Variants in PTBP2 observed in about 807,000 individuals in gnomAD.
PTBP2 encodes the protein polypyrimidine tract binding protein 2.
A neutral mutation model predicts 61.4 loss-of-function variants in PTBP2; 13 were observed. The observed-to-expected ratio is 0.21, with a 90% CI of 0.14 to 0.34. The LOEUF (loss-of-function observed/expected upper bound fraction) is 0.34. Ranked by LOEUF, PTBP2 falls within the 10% of genes least tolerant of loss-of-function variation. PTBP2 has a pLI of 1.00. For synonymous variants in PTBP2, 215 were observed against 218.5 expected, an observed-to-expected ratio of 0.98 and a Z score of 0.14; for missense variants, 405 against 642.6, an observed-to-expected ratio of 0.63 and a Z score of 4.00.
downstream of PTBP2, chr1:96,816,288 C>T (rs961537850): frequency 6.6e-6 from 1 of 152,088 alleles, no homozygotes; most frequent in African/African-American, 2.4e-5. Context: ...CAAATTAACC[C>T]AGGCCTTGGC....
chr1:96,794,506 A>G (rs181079911), intron 8 of PTBP2, among the ~76,000 whole-genome samples: 20 of 152,338 alleles, frequency 1.3e-4, no homozygotes, highest in African/African-American at 4.8e-4. Flanking sequence ...CTAAAAGGCT[A>G]CCCTCAATTA....
chr1:96,823,591 TACGTGCA>T (rs1662751849), exon 14 of PTBP2: 1 of 152,210 alleles, frequency 6.6e-6, no homozygotes, highest in Non-Finnish European at 1.5e-5. Context: ...AGTAGAATTA[TACGTGCA>T]ATATATTCTT....
intron 2 of PTBP2, among the ~76,000 whole-genome samples, chr1:96,729,895 C>A (rs1395997671): frequency 6.6e-6 from 1 of 152,076 alleles, no homozygotes; most frequent in African/African-American, 2.4e-5. Flanking sequence ...CACCACCACA[C>A]CTGGCTAATT....
chr1:96,774,264 T>A (rs1056225248), intron 5 of PTBP2, among the ~76,000 whole-genome samples: 1 of 152,164 alleles, frequency 6.6e-6, no homozygotes, highest in African/African-American at 2.4e-5. Context: ...TTTCTGTTCG[T>A]CTGTTTTTCA....
At chr1:96,762,368 C>T (rs1178061244) in intron 3 of PTBP2, among the ~76,000 whole-genome samples, 6 of 150,674 alleles carry the variant, frequency 4.0e-5, no homozygotes, top group South Asian at 2.1e-4. Flanking sequence ...CCTCACCTCC[C>T]GGATGGGGCG....
chr1:96,789,409 T>A (rs1053699471), intron 8 of PTBP2, among the ~76,000 whole-genome samples: 1 of 152,108 alleles, frequency 6.6e-6, no homozygotes, highest in African/African-American at 2.4e-5. Context: ...TACCCCAGGC[T>A]GAGAATAGTT....
rs1661549197 is a variant in PTBP2 at position 96,806,956 on chromosome 1, T to C, written c.1169T>C (p.Leu390Pro). The stretch of plus-strand genomic sequence containing the variant: ...ATGGCTGATGGAAACCAATCACAAC[T>C]TGGTAAGATTAAACTATGTTTTATC... The part of the protein sequence containing the change: ...IQMADGNQSQ[L>P]AMNHLNGQKM... The change falls in exon 11 of 14, where the codon CTT (leucine) becomes CCT (proline). Residue 390 changes from leucine (L) to proline (P), a missense_variant and splice_region_variant. By Grantham distance (98) the Leu-to-Pro change is moderately conservative. Transcript: ENST00000674951. 1 of 1,600,344 alleles carries C rather than the reference T, an allele frequency of 6.2e-7. No homozygotes were observed. Among genetic ancestry groups the C allele is most frequent in the Non-Finnish European group, 8.5e-7 (1 of 1,171,924 alleles).
chr1:96,753,849 A>G lies in PTBP2; in HGVS notation c.115+2349A>G, dbSNP rs139864550. Among the ~76,000 whole-genome samples the G allele has an allele frequency of 4.0e-3, 607 of 152,306 alleles. 3 individuals carry two copies. The highest frequency in any genetic ancestry group is 6.8e-3 in the Non-Finnish European group (465 of 68,006). On this transcript the variant is annotated intron_variant, in intron 3 of 13. Coordinates refer to ENST00000674951, the MANE Select transcript of PTBP2 (RefSeq NM_021190.4). ...GATTGGAGACAATAGAAGAAATGTT[A>G]GTGAACTTGAATACTGTTGAATACA...
chr1:96,797,882 G>A (rs1484093240), intron 8 of PTBP2, among the ~76,000 whole-genome samples: 1 of 152,038 alleles, frequency 6.6e-6, no homozygotes, highest in East Asian at 1.9e-4. Context: ...TGGTTGAATC[G>A]GAACCCAGAG....
At chr1:96,761,290 T>G (rs532595646) in intron 3 of PTBP2, among the ~76,000 whole-genome samples, 1 of 151,714 alleles carries the variant, frequency 6.6e-6, no homozygotes, top group South Asian at 2.1e-4. Flanking sequence ...ATGAGAAATA[T>G]GAGATTGGGA....
chr1:96,736,636 G>C (rs993987983), intron 2 of PTBP2, among the ~76,000 whole-genome samples: 2 of 152,092 alleles, frequency 1.3e-5, no homozygotes, highest in Non-Finnish European at 2.9e-5. Flanking sequence ...TAATATTTTG[G>C]TATTTTGGGT....
chr1:96,795,642 A>G (rs1212404854), intron 8 of PTBP2, among the ~76,000 whole-genome samples: 1 of 152,266 alleles, frequency 6.6e-6, no homozygotes, highest in Non-Finnish European at 1.5e-5. Context: ...CATTCAGTAC[A>G]GTAGTTACGT....
chr1:96,755,747 G>A (rs145004447), intron 3 of PTBP2, among the ~76,000 whole-genome samples: 1 of 152,220 alleles, frequency 6.6e-6, no homozygotes, highest in African/African-American at 2.4e-5. Flanking sequence ...ACTACATCCT[G>A]TATGATTCCA....
intron 7 of PTBP2, among the ~76,000 whole-genome samples, 157 bp downstream of exon 7, chr1:96,778,103 G>T (rs930620611): frequency 7.3e-5 from 11 of 149,754 alleles, no homozygotes; most frequent in Admixed American, 2.0e-4. Flanking sequence ...TGTCATAAAA[G>T]AAATATTTAT....
At chr1:96,821,079 A>C (rs568755090) in exon 14 of PTBP2, 2 of 152,352 alleles carry the variant, frequency 1.3e-5, no homozygotes, top group African/African-American at 4.8e-5. Flanking sequence ...TCTCATCTGT[A>C]CAATGGAGGT....
At chr1:96,749,528 T>G (rs965467875) in intron 2 of PTBP2, 1 of 365,392 alleles carries the variant, frequency 2.7e-6, no homozygotes, top group African/African-American at 2.1e-5. Context: ...TTCTTACTTT[T>G]AGAATATCTG....
intron 2 of PTBP2, among the ~76,000 whole-genome samples, chr1:96,742,957 TTTG>T (rs1039180980): frequency 2.6e-5 from 4 of 152,208 alleles, no homozygotes; most frequent in African/African-American, 7.2e-5. Context: ...CCTTTTCTTT[TTTG>T]TTGTTGTTAG....
chr1:96,782,362 A>G lies in PTBP2; in HGVS notation c.709-2697A>G, dbSNP rs1164825231. On this transcript the variant is annotated intron_variant, in intron 7 of 13. Transcript: ENST00000674951. ...TTGCAGCAGTAAGATTATGTCATTC[A>G]TTTCCTTCTCACAGAGTACACATTG... Among the ~76,000 whole-genome samples the G allele has an allele frequency of 2.0e-5, 3 of 151,932 alleles. No individual in the cohort carries two copies. The East Asian group carries it at 5.8e-4, about 29-fold the overall frequency.
chr1:96,754,101 A>G (rs1263191680), intron 3 of PTBP2, among the ~76,000 whole-genome samples: 1 of 152,194 alleles, frequency 6.6e-6, no homozygotes, highest in African/African-American at 2.4e-5. Flanking sequence ...ATACTTAGAC[A>G]CATAGTAGTC....
Sources: gnomAD v4.1 joint callset for allele counts (sites outside exome capture counted in the v4.1 genomes callset) on GRCh38, gnomAD v4.1.1 for gene constraint, MANE v1.5 for transcripts, NCBI Gene and HGNC (gene_info 2026-07-23, HGNC 2026-07-21) for gene names.